The following FILIP1L variants were observed in gnomAD, a reference collection of about 807,000 sequenced individuals.
The protein encoded by FILIP1L is filamin A interacting protein 1 like.
A neutral mutation model predicts 96.6 loss-of-function variants in FILIP1L; 55 were observed. The ratio of observed to expected loss-of-function variants is 0.57; its 90% CI spans 0.46 to 0.71. FILIP1L has a LOEUF of 0.71. Among genes scored for constraint, FILIP1L ranks in the 30% least tolerant of loss-of-function variants. The pLI is 0.00. For missense variants in FILIP1L, 1,304 were observed against 1,321.2 expected (o/e 0.99, Z 0.20); for synonymous variants, 467 against 473.9 (o/e 0.99, Z 0.19).
At chr3:99,990,352 T>G (rs118041482) in intron 1 of FILIP1L, among the ~76,000 whole-genome samples, 3 of 152,280 alleles carry the variant, frequency 2.0e-5, no homozygotes, top group East Asian at 3.9e-4. Flanking sequence ...GAACTTAATA[T>G]TGATCCGTTC....
chr3:99,912,919 T>TC (rs1272961464), intron 4 of FILIP1L, among the ~76,000 whole-genome samples: 8 of 152,100 alleles, frequency 5.3e-5, no homozygotes, highest in Non-Finnish European at 1.2e-4. Flanking sequence ...AATATTTGTG[T>TC]CCCCCCAAAC....
chr3:99,976,801 TAGA>T (rs1420121939), intron 1 of FILIP1L, among the ~76,000 whole-genome samples: 2 of 152,202 alleles, frequency 1.3e-5, no homozygotes, highest in Non-Finnish European at 2.9e-5. Context: ...GATTATTTTT[TAGA>T]AGATGTTTGA....
chr3:100,097,724 C>G (rs1275447820), intron 1 of FILIP1L, among the ~76,000 whole-genome samples: 1 of 152,084 alleles, frequency 6.6e-6, no homozygotes, highest in Non-Finnish European at 1.5e-5. Flanking sequence ...ATAATTAGTT[C>G]TGGATTTGAA....
chr3:99,930,045 G>A lies in FILIP1L; in HGVS notation c.253-16C>T. 1 of 1,586,096 alleles carries A rather than the reference G, an allele frequency of 6.3e-7. No individual in the cohort carries two copies. The highest frequency in any genetic ancestry group is 8.6e-7 in the Non-Finnish European group (1 of 1,167,688). Reference sequence around the variant, plus strand: ...CATCTCGAGCCTGTAGGAACAAAAAGTATTTCAGAAAGCCTGCTGTCTCTA... The same window carrying A: ...CATCTCGAGCCTGTAGGAACAAAAAATATTTCAGAAAGCCTGCTGTCTCTA... On this transcript the variant is annotated splice_polypyrimidine_tract_variant and intron_variant, in intron 2 of 5. Transcript: ENST00000477258.
chr3:100,003,766 A>T (rs139876063), intron 1 of FILIP1L, among the ~76,000 whole-genome samples: 1 of 152,290 alleles, frequency 6.6e-6, no homozygotes, highest in African/African-American at 2.4e-5. Flanking sequence ...AGATGCTAAA[A>T]GTCAAGAGCA....
rs2107638528 is a variant in FILIP1L, at chr3:99,910,791, AT to A, written c.605+13438del. Among the ~76,000 whole-genome samples the A allele has an allele frequency of 1.3e-5, 2 of 152,194 alleles. 1 individual carries two copies. Among genetic ancestry groups the A allele is most frequent in the South Asian group, 4.2e-4 (2 of 4,814 alleles). ...GTAGATAACTAGAATATTTATGCCC[AT>A]TTTATAGATGGAAGCATCAACACAT... On this transcript the variant is annotated intron_variant, in intron 4 of 5. Coordinates refer to ENST00000477258, the MANE Select transcript of FILIP1L (RefSeq NM_001387850.1).
chr3:99,839,581 G>A (rs1943041237), intron 5 of FILIP1L, among the ~76,000 whole-genome samples: 1 of 152,146 alleles, frequency 6.6e-6, no homozygotes, highest in African/African-American at 2.4e-5. Context: ...TAAAGCCAAG[G>A]TGGTTGGTTT....
chr3:99,876,130 C>T, intron 4 of FILIP1L: 1 of 986,310 alleles, frequency 1.0e-6, no homozygotes, highest in South Asian at 4.6e-5. Context: ...TAGTGCCGCG[C>T]TGCGAGCCGA....
intron 1 of FILIP1L, among the ~76,000 whole-genome samples, chr3:99,958,169 A>G (rs1342605291): frequency 6.7e-6 from 1 of 148,974 alleles, no homozygotes; most frequent in Non-Finnish European, 1.5e-5. Flanking sequence ...TGCTGCAGCT[A>G]TCAACCCATC....
chr3:99,880,381 A>G (rs956982117), intron 4 of FILIP1L, among the ~76,000 whole-genome samples: 2 of 152,176 alleles, frequency 1.3e-5, no homozygotes, highest in African/African-American at 4.8e-5. Context: ...AACTGCAGTA[A>G]CTGAATATAT....
intron 4 of FILIP1L, among the ~76,000 whole-genome samples, chr3:99,921,518 G>T (rs1246104103): frequency 6.6e-6 from 1 of 152,154 alleles, no homozygotes; most frequent in East Asian, 1.9e-4. Context: ...ATGCATCAAG[G>T]GAGTTGAGAA....
intron 4 of FILIP1L, chr3:99,876,341 G>A: frequency 2.3e-6 from 1 of 437,724 alleles, no homozygotes; most frequent in Non-Finnish European, 3.0e-6. Flanking sequence ...TTCCGGCCGT[G>A]TGAACGGACC....
chr3:99,914,108 T>A (rs1360802187), intron 4 of FILIP1L, among the ~76,000 whole-genome samples: 2 of 152,202 alleles, frequency 1.3e-5, no homozygotes, highest in African/African-American at 4.8e-5. Flanking sequence ...ATCCCACTAT[T>A]TTCAACAAAT....
chr3:99,848,990 G>A lies in FILIP1L; in HGVS notation c.2686C>T (p.His896Tyr). 2.5e-6 allele frequency: 4 copies of A among 1,614,106 alleles called. No homozygotes were observed. In the East Asian group the frequency reaches 8.9e-5, roughly 36 times the overall value. The change falls in exon 5 of 6, where the codon CAC becomes TAC. Residue 896 changes from histidine to tyrosine, a missense_variant. His to Tyr is a moderately conservative substitution (Grantham distance 83). Coordinates refer to ENST00000477258, the MANE Select transcript of FILIP1L (RefSeq NM_001387850.1). The part of the protein sequence containing the change: ...FVQPGDLVLS[H>Y]TPGQPLHIKV... ...ATATGAAGTGGCTGCCCAGGTGTGTGGCTTAGGACTAGATCTCCAGGTTGC... is the reference window on the plus strand; with the variant it reads ...ATATGAAGTGGCTGCCCAGGTGTGTAGCTTAGGACTAGATCTCCAGGTTGC...
chr3:99,844,196 G>T (rs559113873), intron 5 of FILIP1L, among the ~76,000 whole-genome samples: 2 of 152,142 alleles, frequency 1.3e-5, no homozygotes, highest in African/African-American at 4.8e-5. Flanking sequence ...TTGAAGTACC[G>T]TTTTAGGGCA....
intron 3 of FILIP1L, among the ~76,000 whole-genome samples, chr3:99,927,661 G>T (rs979129091): frequency 2.0e-5 from 3 of 152,146 alleles, no homozygotes; most frequent in African/African-American, 4.8e-5. Flanking sequence ...GAGCCACTGC[G>T]CCCGGCCCAT....
intron 1 of FILIP1L, among the ~76,000 whole-genome samples, chr3:100,053,677 C>G (rs1235698249): frequency 6.6e-6 from 1 of 152,186 alleles, no homozygotes; most frequent in Non-Finnish European, 1.5e-5. Flanking sequence ...AAGAATCTTA[C>G]TACATTCTCT....
chr3:99,877,494 A>G (rs2107597339), intron 4 of FILIP1L, among the ~76,000 whole-genome samples: 1 of 152,084 alleles, frequency 6.6e-6, no homozygotes, highest in African/African-American at 2.4e-5. Flanking sequence ...ATTCTAGATC[A>G]CTCTAAGTAC....
chr3:100,013,365 T>C (rs1437781791), intron 1 of FILIP1L, among the ~76,000 whole-genome samples: 1 of 152,078 alleles, frequency 6.6e-6, no homozygotes, highest in African/African-American at 2.4e-5. Context: ...TGCCTCAGCC[T>C]CCTGAGTAGC....
Sources: allele counts gnomAD v4.1 joint callset (sites outside exome capture counted in the v4.1 genomes callset), GRCh38; gene constraint gnomAD v4.1.1; transcripts MANE v1.5; gene names NCBI Gene and HGNC (gene_info 2026-07-23, HGNC 2026-07-21).